The following KIF6 variants were observed in gnomAD, a reference collection of about 807,000 sequenced individuals.
KIF6 encodes the protein kinesin-like protein KIF6.
A neutral mutation model predicts 112.7 loss-of-function variants in KIF6; 106 were observed. The observed-to-expected ratio is 0.94, with a 90% CI of 0.80 to 1.11. The LOEUF is 1.11. Among genes scored for constraint, KIF6 ranks in the 50% least tolerant of loss-of-function variants. The pLI, the probability that KIF6 is intolerant of heterozygous loss-of-function variation, is 0.00. For synonymous variants in KIF6, 339 were observed against 339.9 expected (o/e 1.00, Z 0.03); for missense variants, 929 against 964.0 (o/e 0.96, Z 0.48).
intron 10 of KIF6, among the ~76,000 whole-genome samples, chr6:39,558,921 C>A (rs1360429814): frequency 6.6e-6 from 1 of 152,056 alleles, no homozygotes; most frequent in Non-Finnish European, 1.5e-5. Context: ...GGAGACAGGC[C>A]TTTTTAATCA....
chr6:39,344,489 C>T (rs966276429), intron 21 of KIF6, among the ~76,000 whole-genome samples: 1 of 152,170 alleles, frequency 6.6e-6, no homozygotes, highest in Admixed American at 6.5e-5. Flanking sequence ...GCTCCAGCTG[C>T]CCCCTTTTCT....
intron 13 of KIF6, among the ~76,000 whole-genome samples, chr6:39,535,918 A>G (rs1778392792): frequency 6.6e-6 from 1 of 152,116 alleles, no homozygotes; most frequent in African/African-American, 2.4e-5. Context: ...CTCACTCAAA[A>G]CCGCTCAACT....
chr6:39,534,991 A>C (rs1230680442), intron 13 of KIF6, among the ~76,000 whole-genome samples: 1 of 152,196 alleles, frequency 6.6e-6, no homozygotes, highest in Non-Finnish European at 1.5e-5. Flanking sequence ...GAAATAAAAT[A>C]CTTTACAGAC....
chr6:39,589,714 G>A (rs1037842097), intron 7 of KIF6, among the ~76,000 whole-genome samples: 8 of 152,156 alleles, frequency 5.3e-5, no homozygotes, highest in Admixed American at 4.6e-4. Context: ...TTCTTCTGAG[G>A]CAGTTGCAGG....
At chr6:39,435,655 A>G (rs1056180309) in intron 13 of KIF6, among the ~76,000 whole-genome samples, 1 of 151,926 alleles carries the variant, frequency 6.6e-6, no homozygotes, top group African/African-American at 2.4e-5. Flanking sequence ...GAGTTACTTT[A>G]CTTAGGATAA....
intron 15 of KIF6, among the ~76,000 whole-genome samples, chr6:39,402,166 T>C (rs968619019): frequency 2.6e-5 from 4 of 152,158 alleles, no homozygotes; most frequent in African/African-American, 9.7e-5. Context: ...TAGGAAGCTC[T>C]GACATCAGAA....
At chr6:39,529,934 T>C (rs1420264415) in intron 13 of KIF6, among the ~76,000 whole-genome samples, 1 of 152,276 alleles carries the variant, frequency 6.6e-6, no homozygotes, top group East Asian at 1.9e-4. Flanking sequence ...TGTCACCTGC[T>C]CTGTAATGCT....
chr6:39,573,555 TG>T (rs1457048982), intron 10 of KIF6, among the ~76,000 whole-genome samples: 2 of 152,254 alleles, frequency 1.3e-5, no homozygotes, highest in Admixed American at 6.5e-5. Context: ...CTGTATGATT[TG>T]CTTTGGCAGG....
chr6:39,718,838 G>A (rs1790031314), intron 2 of KIF6, among the ~76,000 whole-genome samples: 1 of 152,078 alleles, frequency 6.6e-6, no homozygotes, highest in South Asian at 2.1e-4. Context: ...TAAAGACAAG[G>A]TGAGGACCGC....
At chr6:39,649,085 C>T (rs1785326525) in intron 3 of KIF6, among the ~76,000 whole-genome samples, 1 of 151,778 alleles carries the variant, frequency 6.6e-6, no homozygotes, top group Admixed American at 6.6e-5. Context: ...ATCACTTGAT[C>T]CCAGGACTTC....
At chr6:39,634,755 A>G (rs1784535514) in intron 5 of KIF6, 94 bp downstream of exon 5, 1 of 816,348 alleles carries the variant, frequency 1.2e-6, no homozygotes, top group East Asian at 2.5e-5. Flanking sequence ...GCTAATTATG[A>G]TTGAGACCAG....
intron 14 of KIF6, among the ~76,000 whole-genome samples, chr6:39,422,302 G>A (rs913917070): frequency 6.6e-6 from 1 of 152,154 alleles, no homozygotes; most frequent in Non-Finnish European, 1.5e-5. Context: ...AGATGTGTCT[G>A]GGGGGCCTGG....
intron 14 of KIF6, among the ~76,000 whole-genome samples, 159 bp from the exon 15 acceptor site, chr6:39,420,162 G>C (rs1189558034): frequency 1.3e-5 from 2 of 152,138 alleles, no homozygotes; most frequent in Non-Finnish European, 2.9e-5. Context: ...CTTAAAAATA[G>C]AGAGAAAATT....
intron 13 of KIF6, among the ~76,000 whole-genome samples, chr6:39,538,209 G>C (rs1164363360): frequency 6.6e-6 from 1 of 151,660 alleles, no homozygotes; most frequent in East Asian, 2.0e-4. Context: ...AGCCAAAATT[G>C]ACAAATGGGA....
intron 3 of KIF6, among the ~76,000 whole-genome samples, chr6:39,712,539 T>C (rs149304350): frequency 7.2e-5 from 11 of 152,178 alleles, no homozygotes; most frequent in African/African-American, 2.2e-4. Flanking sequence ...TGGAGGCAAA[T>C]AGACACAAAA....
At chr6:39,512,327 T>A (rs1776831332) in intron 13 of KIF6, among the ~76,000 whole-genome samples, 1 of 152,212 alleles carries the variant, frequency 6.6e-6, no homozygotes, top group African/African-American at 2.4e-5. Flanking sequence ...CCTTTGGACA[T>A]CTTCTGGAGA....
chr6:39,419,806 G>A (rs1050543594), intron 15 of KIF6, 142 bp downstream of exon 15: 2 of 776,686 alleles, frequency 2.6e-6, no homozygotes, highest in African/African-American at 3.4e-5. Flanking sequence ...TCCTAGGGAA[G>A]GCTCTCAAAG....
intron 13 of KIF6, among the ~76,000 whole-genome samples, chr6:39,454,758 C>G (rs548169381): frequency 0.012 from 1,828 of 152,156 alleles, 22 homozygotes; most frequent in Non-Finnish European, 0.02. Flanking sequence ...AAAGGGATGA[C>G]GGACGCACCT....
At chr6:39,620,400 T>C (rs1265850636) in intron 5 of KIF6, 1 of 152,230 alleles carries the variant, frequency 6.6e-6, no homozygotes, top group African/African-American at 2.4e-5. Flanking sequence ...TAAGAATAGA[T>C]ACATCTAGAG....
Sources: allele counts gnomAD v4.1 joint callset (sites outside exome capture counted in the v4.1 genomes callset), GRCh38; gene constraint gnomAD v4.1.1; transcripts MANE v1.5; gene names NCBI Gene and HGNC (gene_info 2026-07-23, HGNC 2026-07-21).